ZNF91: variants seen among roughly 807,000 people sequenced by gnomAD.
ZNF91 encodes the protein zinc finger protein 91 (HPF7, HTF10).
A neutral mutation model predicts 12.6 loss-of-function variants in ZNF91; 7 were observed. That is an observed-to-expected ratio of 0.55 (90% confidence interval 0.31 to 1.04). The LOEUF is 1.04. ZNF91 is among the 50% of genes least tolerant of loss of function. The pLI, the probability that ZNF91 is intolerant of heterozygous loss-of-function variation, is 0.05. For synonymous variants in ZNF91, 453 were observed against 462.6 expected (o/e 0.98, Z 0.27); for missense variants, 1,217 against 1,385.4 (o/e 0.88, Z 1.93).
chr19:23,354,684 C>T (rs1157516972), downstream of ZNF91, among the ~76,000 whole-genome samples: 10 of 151,902 alleles, frequency 6.6e-5, no homozygotes, highest in South Asian at 2.1e-4. Context: ...TCATACTGTC[C>T]GCTTGCTGAT....
At chr19:23,308,818 G>A (rs1436424739) in intron 2 of ZNF91, 1 of 152,034 alleles carries the variant, frequency 6.6e-6, no homozygotes, top group East Asian at 1.9e-4. Context: ...TCTTCTTAGG[G>A]GCATTTGTGA....
chr19:23,395,050 G>A (rs1490484513), intron 1 of ZNF91, among the ~76,000 whole-genome samples: 3 of 152,172 alleles, frequency 2.0e-5, no homozygotes, highest in African/African-American at 7.2e-5. Context: ...CACAATCTGG[G>A]AGAGACGCGG....
chr19:23,348,629 T>C (rs768202038), intron 3 of ZNF91, among the ~76,000 whole-genome samples: 14 of 152,148 alleles, frequency 9.2e-5, no homozygotes, highest in Non-Finnish European at 1.3e-4. Flanking sequence ...TGAAATCTGA[T>C]TGTAAAACGT....
downstream of ZNF91, among the ~76,000 whole-genome samples, chr19:23,335,863 T>A (rs145229541): frequency 4.1e-3 from 618 of 152,232 alleles, 9 homozygotes; most frequent in African/African-American, 0.014. Context: ...ACCCAGTACC[T>A]CAGTTGGAAA....
chr19:23,394,274 C>T (rs1021123672), intron 1 of ZNF91, among the ~76,000 whole-genome samples: 1 of 152,150 alleles, frequency 6.6e-6, no homozygotes, highest in African/African-American at 2.4e-5. Flanking sequence ...ATTGAGGTGG[C>T]TCTAGTCCTC....
Position 23,375,241 on chromosome 19 carries a change from A to C in ZNF91, c.31-477T>G, listed in dbSNP as rs571013459. Reference sequence around the variant, plus strand: ...AGTGGCGCAATCTCAGCTCACTGCAAGCTCCGCCTCCCGGGTTCCGTGATT... The same window carrying C: ...AGTGGCGCAATCTCAGCTCACTGCACGCTCCGCCTCCCGGGTTCCGTGATT... On this transcript the variant is annotated intron_variant, in intron 1 of 3. Transcript: ENST00000300619. Among the ~76,000 whole-genome samples the C allele has an allele frequency of 8.0e-4, 122 of 152,130 alleles. 2 individuals carry two copies. The highest frequency in any genetic ancestry group is 1.3e-3 in the Non-Finnish European group (86 of 67,992).
chr19:23,320,236 A>G (rs548030656), intron 1 of ZNF91, among the ~76,000 whole-genome samples: 16 of 152,142 alleles, frequency 1.1e-4, no homozygotes, highest in Admixed American at 7.2e-4. Context: ...GTACTCTTCT[A>G]TTTAGACACA....
At chr19:23,380,861 C>T (rs1969690421) in intron 1 of ZNF91, 2 of 145,992 alleles carry the variant, frequency 1.4e-5, no homozygotes. Flanking sequence ...TGACAACTAC[C>T]ACCAGCACTT....
chr19:23,389,418 A>C (rs1011164617), intron 1 of ZNF91, among the ~76,000 whole-genome samples: 3 of 151,330 alleles, frequency 2.0e-5, no homozygotes, highest in African/African-American at 4.9e-5. Context: ...AAAAAAAAAA[A>C]CACTAGGATC....
chr19:23,305,198 A>C (rs1176914204), intron 3 of ZNF91: 1 of 152,192 alleles, frequency 6.6e-6, no homozygotes, highest in Non-Finnish European at 1.5e-5. Context: ...CAGATATAAT[A>C]TATGTAGATA....
Sources: allele counts gnomAD v4.1 joint callset (sites outside exome capture counted in the v4.1 genomes callset), GRCh38; gene constraint gnomAD v4.1.1; transcripts MANE v1.5; gene names NCBI Gene and HGNC (gene_info 2026-07-23, HGNC 2026-07-21).